Variants in CKAP2L observed in about 807,000 individuals in gnomAD.
CKAP2L encodes cytoskeleton-associated protein 2-like.
In CKAP2L, 42 loss-of-function variants were observed where a neutral mutation model predicts 65.7. That is an observed-to-expected ratio of 0.64 (90% CI 0.50 to 0.83). The LOEUF is 0.83. CKAP2L is among the 40% of genes least tolerant of loss of function. The pLI is 0.00. For synonymous variants in CKAP2L, 325 were observed against 313.5 expected, an observed-to-expected ratio of 1.04 and a Z score of -0.39; for missense variants, 908 against 871.0, an observed-to-expected ratio of 1.04 and a Z score of -0.53.
At chr2:112,740,527 G>A (rs1260094044) in intron 8 of CKAP2L, among the ~76,000 whole-genome samples, 1 of 152,194 alleles carries the variant, frequency 6.6e-6, no homozygotes, top group Admixed American at 6.5e-5. Context: ...CAGCTACAGA[G>A]TTTGCTCCCG....
intron 2 of CKAP2L, among the ~76,000 whole-genome samples, chr2:112,761,951 G>A (rs1408288529): frequency 6.6e-6 from 1 of 152,120 alleles, no homozygotes; most frequent in Non-Finnish European, 1.5e-5. Flanking sequence ...CAACTCAAAT[G>A]GGGAAAAAAT....
intron 6 of CKAP2L, among the ~76,000 whole-genome samples, chr2:112,745,329 T>C (rs1193152852): frequency 6.6e-6 from 1 of 151,606 alleles, no homozygotes; most frequent in Non-Finnish European, 1.5e-5. Flanking sequence ...TAGAAAGTTG[T>C]GCTTGAAAGG....
chr2:112,743,299 C>T (rs1442130015), intron 6 of CKAP2L, among the ~76,000 whole-genome samples: 4 of 152,020 alleles, frequency 2.6e-5, no homozygotes, highest in Non-Finnish European at 2.9e-5. Flanking sequence ...CCCACCACCA[C>T]GCCCAGCTAA....
At chr2:112,758,367 T>C (rs912622114) in intron 3 of CKAP2L, among the ~76,000 whole-genome samples, 2 of 152,126 alleles carry the variant, frequency 1.3e-5, no homozygotes, top group African/African-American at 4.8e-5. Context: ...GGGTAAGATA[T>C]GGGAATGCTA....
chr2:112,740,240 G>A (rs1679819308), intron 8 of CKAP2L, among the ~76,000 whole-genome samples: 1 of 152,076 alleles, frequency 6.6e-6, no homozygotes, highest in South Asian at 2.1e-4. Context: ...GAAGAGATTC[G>A]GCTGTGCTTT....
chr2:112,762,406 T>C (rs1038903835), intron 2 of CKAP2L, 97 bp downstream of exon 2: 2 of 890,892 alleles, frequency 2.2e-6, no homozygotes, highest in Non-Finnish European at 3.8e-6. Flanking sequence ...GCAGTCTGAG[T>C]AGACTCTAAG....
At chr2:112,739,794 AC>A (rs1679748831) in intron 8 of CKAP2L, among the ~76,000 whole-genome samples, 3 of 152,304 alleles carry the variant, frequency 2.0e-5, no homozygotes, top group Admixed American at 6.5e-5. Flanking sequence ...TGGTGGGAGC[AC>A]AAACGTATGC....
rs755001520 is a variant in CKAP2L at position 112,756,217 on chromosome 2, C to T, written c.1154G>A (p.Arg385Lys). 4 of 1,614,210 alleles carry T rather than the reference C, an allele frequency of 2.5e-6. No homozygotes were observed. In the South Asian group the frequency reaches 4.4e-5, roughly 18 times the overall value. Residue 385 changes from arginine (R) to lysine (K), a missense_variant, in exon 4 of 9, where the codon AGA (arginine) becomes AAA (lysine). Transcript: ENST00000302450. ...ISQRPNLTVGRFNSAIPSTPS... is the reference protein window; with the variant it reads ...ISQRPNLTVGKFNSAIPSTPS... Reference sequence around the variant, plus strand: ...GGTGCTTGGAATGGCTGAATTAAATCTGCCAACTGTCAAATTAGGCCTCTG... The same window carrying T: ...GGTGCTTGGAATGGCTGAATTAAATTTGCCAACTGTCAAATTAGGCCTCTG...
intron 2 of CKAP2L, among the ~76,000 whole-genome samples, chr2:112,761,808 G>A (rs943714965): frequency 1.3e-5 from 2 of 152,160 alleles, no homozygotes; most frequent in African/African-American, 2.4e-5. Context: ...GATGTTATAG[G>A]TACTAAATAA....
chr2:112,751,427 T>A (rs1250650029), intron 5 of CKAP2L, among the ~76,000 whole-genome samples: 1 of 152,208 alleles, frequency 6.6e-6, no homozygotes, highest in Admixed American at 6.5e-5. Context: ...TTGGGATGCC[T>A]AAGTATGTAT....
rs55960457 is a variant in CKAP2L at position 112,737,314 on chromosome 2, A to C, written c.*1509T>G. 6.6e-6 allele frequency: 1 copy of C among 152,138 alleles called. No homozygotes were observed. 9.4% of individuals were successfully genotyped at this position (152,138 alleles called of 1,614,324 possible). ...TTTAGGAGCCTCCATACCGTTTTCC[A>C]TAACGGCTGCCCCAGTCTACACGCC... On this transcript the variant is annotated 3_prime_UTR_variant, in exon 9 of 9. Coordinates refer to ENST00000302450, the MANE Select transcript of CKAP2L (RefSeq NM_152515.5).
intron 1 of CKAP2L, chr2:112,763,655 A>C (rs1277008632): frequency 6.6e-6 from 1 of 152,188 alleles, no homozygotes; most frequent in East Asian, 1.9e-4. Context: ...AAAAGTAAAT[A>C]ATGATGTGAA....
chr2:112,764,593 C>T lies in CKAP2L; in HGVS notation c.6G>A (p.Val2=). The T allele has an allele frequency of 6.2e-7, 1 of 1,614,214 alleles. No homozygotes were observed. The highest frequency in any genetic ancestry group is 2.2e-5 in the East Asian group (1 of 44,884). ...CGGCAGCAGCGGTAGGCCCGGGCCCCACCATGACTCTTCAGTGACAGTTTT... is the reference window on the plus strand; with the variant it reads ...CGGCAGCAGCGGTAGGCCCGGGCCCTACCATGACTCTTCAGTGACAGTTTT... M[V]GPGPTAAAAV... Residue 2 remains valine, a synonymous_variant, in exon 1 of 9, where the codon GTG becomes GTA. Coordinates refer to ENST00000302450, the MANE Select transcript of CKAP2L (RefSeq NM_152515.5).
chr2:112,738,857 G>A lies in CKAP2L; in HGVS notation c.2204C>T (p.Pro735Leu), dbSNP rs555882310. ...CFIFRRNEAL[P>L]VTLGFQTPES is the part of the protein sequence containing the mutation. ...AGGGGTTTGAAACCCCAATGTTACA[G>A]GCAGCGCCTCATTTCTACGGAATAT... Residue 735 changes from proline (P) to leucine (L), a missense_variant, in exon 9 of 9, where the codon CCT (proline) becomes CTT (leucine). By Grantham distance (98) the Pro-to-Leu change is moderately conservative. Transcript: ENST00000302450. The A allele has an allele frequency of 6.2e-7, 1 of 1,613,424 alleles. No individual in the cohort carries two copies. The highest frequency in any genetic ancestry group is 8.5e-7 in the Non-Finnish European group (1 of 1,179,368).
chr2:112,759,845 G>A (rs1159235824), intron 3 of CKAP2L, among the ~76,000 whole-genome samples: 2 of 151,868 alleles, frequency 1.3e-5, no homozygotes, highest in Non-Finnish European at 2.9e-5. Flanking sequence ...TCTCACCAGT[G>A]AGAATTTTTC....
intron 3 of CKAP2L, among the ~76,000 whole-genome samples, chr2:112,760,207 G>A (rs930784295): frequency 1.3e-5 from 2 of 152,142 alleles, no homozygotes; most frequent in Non-Finnish European, 2.9e-5. Flanking sequence ...GCATATACTT[G>A]TTAAGTGGCT....
chr2:112,747,632 A>AG (rs113871783), intron 5 of CKAP2L, among the ~76,000 whole-genome samples: 4,955 of 152,310 alleles, frequency 0.033, 277 homozygotes, highest in African/African-American at 0.11. Context: ...ACATGGACCC[A>AG]ACGAATGGGG....
At chr2:112,755,025 G>A (rs781656162) in intron 4 of CKAP2L, among the ~76,000 whole-genome samples, 34 of 152,200 alleles carry the variant, frequency 2.2e-4, no homozygotes, top group Non-Finnish European at 4.9e-4. Context: ...AGGAGGGCAA[G>A]GAGCTTGGTG....
chr2:112,757,940 A>G (rs1268706780), intron 3 of CKAP2L, among the ~76,000 whole-genome samples: 3 of 152,176 alleles, frequency 2.0e-5, no homozygotes, highest in African/African-American at 7.2e-5. Context: ...GTATAGCCAC[A>G]CTATATGTTT....
Sources: allele counts gnomAD v4.1 joint callset (sites outside exome capture counted in the v4.1 genomes callset), GRCh38; gene constraint gnomAD v4.1.1; transcripts MANE v1.5; gene names NCBI Gene and HGNC (gene_info 2026-07-23, HGNC 2026-07-21).